KIF6: variants seen among roughly 807,000 people sequenced by gnomAD.
The protein encoded by KIF6 is kinesin family member 6, also known as kinesin-like protein KIF6.
Under a neutral mutation model 112.7 loss-of-function variants are expected in KIF6, and 106 were observed. The observed-to-expected ratio is 0.94, with a 90% CI of 0.80 to 1.11. The LOEUF is 1.11. KIF6 is among the 50% of genes least tolerant of loss of function. The pLI, the probability that KIF6 is intolerant of heterozygous loss-of-function variation, is 0.00. For missense variants in KIF6, 929 were observed against 964.0 expected, an observed-to-expected ratio of 0.96 and a Z score of 0.48; for synonymous variants, 339 against 339.9, an observed-to-expected ratio of 1.00 and a Z score of 0.03.
intron 13 of KIF6, among the ~76,000 whole-genome samples, chr6:39,499,622 G>A (rs150888313): frequency 3.5e-4 from 54 of 152,266 alleles, no homozygotes; most frequent in Middle Eastern, 3.4e-3. Flanking sequence ...AGCTGAGCAT[G>A]CTACCTGTCT....
intron 15 of KIF6, among the ~76,000 whole-genome samples, chr6:39,402,686 G>A (rs1446257369): frequency 2.0e-5 from 3 of 152,184 alleles, no homozygotes; most frequent in Non-Finnish European, 4.4e-5. Flanking sequence ...CCACTGGGTG[G>A]TTTATAAGGG....
chr6:39,413,716 G>A (rs1769667111), intron 15 of KIF6, among the ~76,000 whole-genome samples: 1 of 151,828 alleles, frequency 6.6e-6, no homozygotes, highest in Non-Finnish European at 1.5e-5. Context: ...AGACAAGGAG[G>A]GAGAGGAGAG....
At chr6:39,491,403 T>C (rs1775476494) in intron 13 of KIF6, among the ~76,000 whole-genome samples, 1 of 152,106 alleles carries the variant, frequency 6.6e-6, no homozygotes, top group Non-Finnish European at 1.5e-5. Context: ...TGTAAACACA[T>C]GAGCAGCCCA....
chr6:39,401,625 C>T (rs538059708), intron 15 of KIF6, among the ~76,000 whole-genome samples: 27 of 151,974 alleles, frequency 1.8e-4, no homozygotes, highest in Admixed American at 3.3e-4. Context: ...CCTCCCGGGG[C>T]AGGGGATTTT....
intron 13 of KIF6, among the ~76,000 whole-genome samples, chr6:39,454,318 G>C (rs1772894372): frequency 6.6e-6 from 1 of 152,078 alleles, no homozygotes; most frequent in African/African-American, 2.4e-5. Context: ...GTGAAAGAGA[G>C]AGAGTAATAA....
At chr6:39,693,840 A>T (rs1046228347) in intron 3 of KIF6, among the ~76,000 whole-genome samples, 2 of 152,140 alleles carry the variant, frequency 1.3e-5, no homozygotes, top group African/African-American at 4.8e-5. Flanking sequence ...TCATCCTGAT[A>T]CCAAAATCTG....
chr6:39,542,195 T>C (rs1778825286), intron 12 of KIF6, among the ~76,000 whole-genome samples: 3 of 152,194 alleles, frequency 2.0e-5, no homozygotes, highest in African/African-American at 7.2e-5. Context: ...TGATGCGTTC[T>C]GATGTACATT....
At chr6:39,600,858 G>C (rs1435913907) in intron 6 of KIF6, among the ~76,000 whole-genome samples, 1 of 152,076 alleles carries the variant, frequency 6.6e-6, no homozygotes, top group Non-Finnish European at 1.5e-5. Flanking sequence ...TCACTTACTA[G>C]TGTTAAAAGC....
At chr6:39,495,104 T>C (rs956912286) in intron 13 of KIF6, among the ~76,000 whole-genome samples, 1 of 152,202 alleles carries the variant, frequency 6.6e-6, no homozygotes, top group Non-Finnish European at 1.5e-5. Context: ...GCAGATGAGA[T>C]AGTTGCATTC....
In KIF6 at chr6:39,356,863, G is replaced by A. The variant is rs73735506; in HGVS notation, c.2180+414C>T. 9.9e-3 allele frequency among the ~76,000 whole-genome samples: 1,508 copies of A among 152,272 alleles called. 28 individuals carry two copies. Among genetic ancestry groups the A allele is most frequent in the African/African-American group, 0.034 (1,432 of 41,560 alleles). ...ATGTGGTGTTTTTGGAGGCTACCTG[G>A]ATCCTGGCTAGGACGAAGAGCTCCC... On this transcript the variant is annotated intron_variant, in intron 19 of 22. Transcript: ENST00000287152.
At chr6:39,661,643 C>T (rs945391472) in intron 3 of KIF6, among the ~76,000 whole-genome samples, 9 of 151,982 alleles carry the variant, frequency 5.9e-5, no homozygotes, top group East Asian at 3.9e-4. Context: ...CATGCAGTAG[C>T]GGGGAAAGAA....
intron 3 of KIF6, among the ~76,000 whole-genome samples, chr6:39,688,029 G>A (rs886199349): frequency 3.3e-5 from 5 of 152,182 alleles, no homozygotes; most frequent in Admixed American, 6.5e-5. Context: ...GTTAACCCCC[G>A]TAGGCCTGAA....
At chr6:39,401,137 C>T (rs1768670575) in intron 15 of KIF6, among the ~76,000 whole-genome samples, 1 of 152,210 alleles carries the variant, frequency 6.6e-6, no homozygotes, top group South Asian at 2.1e-4. Flanking sequence ...AATAGGTGCC[C>T]CTAATTCCTA....
intron 5 of KIF6, among the ~76,000 whole-genome samples, chr6:39,621,222 CACACACACACGT>C (rs1033148004): frequency 7.3e-6 from 1 of 137,588 alleles, no homozygotes; most frequent in Non-Finnish European, 1.6e-5. Flanking sequence ...CACACACACA[CACACACACACGT>C]ACACATATAT....
intron 10 of KIF6, among the ~76,000 whole-genome samples, chr6:39,574,664 T>C (rs1350093676): frequency 6.6e-6 from 1 of 152,192 alleles, no homozygotes; most frequent in Non-Finnish European, 1.5e-5. Flanking sequence ...TAGCTTTTCA[T>C]TCTGAAGTTG....
At chr6:39,362,624 C>CCT in intron 16 of KIF6, 106 bp from the exon 17 acceptor site, 1 of 851,988 alleles carries the variant, frequency 1.2e-6, no homozygotes, top group Non-Finnish European at 2.0e-6. Flanking sequence ...AAGAAAGGAG[C>CCT]CTCTGTGAGT....
intron 3 of KIF6, among the ~76,000 whole-genome samples, chr6:39,662,788 C>A (rs976269133): frequency 4.6e-5 from 7 of 152,124 alleles, no homozygotes; most frequent in African/African-American, 1.7e-4. Context: ...GCCTGGCGTA[C>A]CCCAATGTCT....
rs995460883 is a variant in KIF6, at chr6:39,343,072, G to A, written c.2428+637C>T. 2.0e-6 allele frequency: 2 copies of A among 985,294 alleles called. No individual in the cohort carries two copies. Among genetic ancestry groups the A allele is most frequent in the African/African-American group, 3.5e-5 (2 of 57,214 alleles). 61.0% of individuals were successfully genotyped at this position (985,294 alleles called of 1,614,324 possible). A position where few individuals can be genotyped will look rare whatever the true frequency, so the allele number is the denominator to read the frequency against. On this transcript the variant is annotated intron_variant, in intron 22 of 22. Coordinates refer to ENST00000287152, the MANE Select transcript of KIF6 (RefSeq NM_145027.6). This position sits in a 1 kb window ranked among gnomAD's most constrained non-coding sequence, Gnocchi z 4.1. ...CTGGGGCTTGCCCTGTGGGTGTGTTGGGGATGGAAGGCAGAAAGAGAAAAG... is the reference window on the plus strand; with the variant it reads ...CTGGGGCTTGCCCTGTGGGTGTGTTAGGGATGGAAGGCAGAAAGAGAAAAG...
At chr6:39,381,557 T>C (rs1766947935) in intron 16 of KIF6, among the ~76,000 whole-genome samples, 1 of 152,168 alleles carries the variant, frequency 6.6e-6, no homozygotes, top group Non-Finnish European at 1.5e-5. Context: ...GCCCAACTGC[T>C]GGGCTGAAGG....
Sources: gnomAD v4.1 joint callset for allele counts (sites outside exome capture counted in the v4.1 genomes callset) on GRCh38, gnomAD v4.1.1 for gene constraint, Gnocchi (gnomAD v3.1) non-coding constraint, MANE v1.5 for transcripts, NCBI Gene and HGNC (gene_info 2026-07-23, HGNC 2026-07-21) for gene names.